TP73: variants seen among roughly 807,000 people sequenced by gnomAD.
The protein encoded by TP73 is tumor protein p73.
Under a neutral mutation model 62.5 loss-of-function variants are expected in TP73, and 25 were observed. The observed-to-expected ratio is 0.40, with a 90% CI of 0.29 to 0.56. The LOEUF is 0.56. TP73 is among the 20% of genes least tolerant of loss of function. TP73 has a pLI of 0.46. For synonymous variants in TP73, 423 were observed against 377.5 expected, an observed-to-expected ratio of 1.12 and a Z score of -1.40; for missense variants, 754 against 913.3, an observed-to-expected ratio of 0.83 and a Z score of 2.25.
chr1:3,719,819 C>G (rs1414789729), intron 4 of TP73, among the ~76,000 whole-genome samples: 1 of 152,152 alleles, frequency 6.6e-6, no homozygotes, highest in Non-Finnish European at 1.5e-5. Context: ...CTCCGACAGT[C>G]CAGGGCAGGC....
At chr1:3,706,030 G>A (rs1457820142) in intron 3 of TP73, among the ~76,000 whole-genome samples, 1 of 152,182 alleles carries the variant, frequency 6.6e-6, no homozygotes, top group Non-Finnish European at 1.5e-5. Flanking sequence ...TGGATTGGAG[G>A]GGGCAGGCTG....
In TP73 at chr1:3,730,559, C is replaced by A. The variant is rs548018600; in HGVS notation, c.1346-368C>A. ...GGGGCTCCATTGGATAGAGTTTGGG[C>A]CCCCTTCCCCTGGAAGGTCCTCATG... is the stretch of plus-strand genomic sequence containing the variant. On this transcript the variant is annotated intron_variant, in intron 11 of 13. Transcript: ENST00000378295. 1.4e-4 allele frequency among the ~76,000 whole-genome samples: 21 copies of A among 152,280 alleles called. No homozygotes were observed. The South Asian group carries it at 4.3e-3, about 32-fold the overall frequency.
Position 3,683,148 on chromosome 1 carries a change from T to C in TP73, c.154T>C (p.Phe52Leu). The change falls in exon 3 of 14, where the codon TTC (phenylalanine) becomes CTC (leucine). Residue 52 changes from phenylalanine to leucine, a missense_variant. By Grantham distance (22) the Phe-to-Leu change is conservative. Around this residue, in one of 3 missense-constraint regions of TP73, gnomAD observed 235 missense variants for 251.4 expected, o/e 0.93. Transcript: ENST00000378295. ...VGGTDSSMDV[F>L]HLEGMTTSVM... is the part of the protein sequence containing the mutation. ...CGGAACGGATTCCAGCATGGACGTC[T>C]TCCACCTGGAGGGCATGACTACATC... The C allele has an allele frequency of 6.2e-7, 1 of 1,612,302 alleles. No homozygotes were observed. The highest frequency in any genetic ancestry group is 2.2e-5 in the East Asian group (1 of 44,818).
intron 2 of TP73, 32 bp downstream of exon 2, chr1:3,682,462 C>T (rs1322338371): frequency 1.4e-6 from 2 of 1,450,690 alleles, no homozygotes; most frequent in African/African-American, 1.4e-5. Flanking sequence ...GAGCTGGGGG[C>T]CCCCCTGGGA....
At chr1:3,705,978 G>T (rs1639591763) in intron 3 of TP73, among the ~76,000 whole-genome samples, 1 of 152,216 alleles carries the variant, frequency 6.6e-6, no homozygotes, top group Non-Finnish European at 1.5e-5. Flanking sequence ...TCCCGGCGAG[G>T]CCCCTGCACC....
chr1:3,720,657 C>T (rs959021703), intron 4 of TP73, among the ~76,000 whole-genome samples: 1 of 152,252 alleles, frequency 6.6e-6, no homozygotes, highest in African/African-American at 2.4e-5. Flanking sequence ...GCTCCATCTC[C>T]CCTGTCTCTT....
chr1:3,669,352 C>T (rs1271682245), intron 1 of TP73, among the ~76,000 whole-genome samples: 1 of 152,224 alleles, frequency 6.6e-6, no homozygotes, highest in Admixed American at 6.5e-5. Flanking sequence ...CCACAGTTCT[C>T]CTGATGGGAC....
chr1:3,695,396 G>A (rs3765732), intron 3 of TP73, among the ~76,000 whole-genome samples: 115,689 of 152,164 alleles, frequency 0.76, 44,821 homozygotes, highest in Non-Finnish European at 0.84. Context: ...GCTCTCCTGC[G>A]CCCTCTCTAT....
intron 4 of TP73, among the ~76,000 whole-genome samples, chr1:3,717,677 G>A (rs948297302): frequency 1.9e-4 from 29 of 152,310 alleles, no homozygotes; most frequent in Admixed American, 1.5e-3. Flanking sequence ...CTGCTGGGGA[G>A]ACAGGAGGAA....
At chr1:3,731,196 C>T (rs1397861258) in intron 12 of TP73, 131 bp downstream of exon 12, 59 of 1,327,944 alleles carry the variant, frequency 4.4e-5, no homozygotes, top group South Asian at 2.8e-5. Context: ...GACAGGCGGG[C>T]GGGGGCAGTC....
At chr1:3,727,480 C>A in intron 7 of TP73, 148 bp from the exon 8 acceptor site, 1 of 1,207,664 alleles carries the variant, frequency 8.3e-7, no homozygotes, top group Non-Finnish European at 1.1e-6. Context: ...CTCCCTCTAG[C>A]GGGAACACTC....
At position 3,679,311 on chromosome 1, in the gene TP73, G is replaced by C. The variant is rs142273089; in HGVS notation, c.-33-3022G>C. Among the ~76,000 whole-genome samples, 13 of 152,356 alleles carry C rather than the reference G, an allele frequency of 8.5e-5. No homozygotes were observed. The East Asian group carries it at 2.5e-3, about 29-fold the overall frequency. On this transcript the variant is annotated intron_variant, in intron 1 of 13. Coordinates refer to ENST00000378295, the MANE Select transcript of TP73 (RefSeq NM_005427.4). ...TTGCCGACCAGTTCCTGTGAGCCCT[G>C]AGCCCTGCGCGGAGGGATGCCCCGT...
At chr1:3,669,073 C>A (rs1198909704) in intron 1 of TP73, among the ~76,000 whole-genome samples, 1 of 152,238 alleles carries the variant, frequency 6.6e-6, no homozygotes, top group African/African-American at 2.4e-5. Context: ...GTGACAGGGA[C>A]GCTGCTGCCA....
chr1:3,678,110 C>T (rs1166011806), intron 1 of TP73, among the ~76,000 whole-genome samples: 1 of 152,240 alleles, frequency 6.6e-6, no homozygotes, highest in Non-Finnish European at 1.5e-5. Context: ...TGAAATTGGT[C>T]TCCTTTCCCC....
At chr1:3,727,271 C>A (rs747883530) in intron 7 of TP73, 47 bp downstream of exon 7, 1 of 1,559,098 alleles carries the variant, frequency 6.4e-7, no homozygotes, top group South Asian at 1.1e-5. Context: ...GCTGGGCAGG[C>A]ACGGCCGGGG....
Position 3,701,498 on chromosome 1 carries a change from G to A in TP73, c.187-6051G>A, listed in dbSNP as rs1034838212. On this transcript the variant is annotated intron_variant, in intron 3 of 13. Coordinates refer to ENST00000378295, the MANE Select transcript of TP73 (RefSeq NM_005427.4). This position sits in a 1 kb window ranked among gnomAD's most constrained non-coding sequence, Gnocchi z 4.7. ...CCCACAACCATCCTACGAAGTCCAC[G>A]TTGATTTCTTTTTTGGTTTTTTTCG... 2.0e-5 allele frequency among the ~76,000 whole-genome samples: 3 copies of A among 152,024 alleles called. No homozygotes were observed. The highest frequency in any genetic ancestry group is 6.6e-5 in the Admixed American group (1 of 15,258).
Position 3,731,015 on chromosome 1 carries a change from G to A in TP73, c.1434G>A (p.Gly478=). Residue 478 remains glycine, a synonymous_variant, in exon 12 of 14, where the codon GGG becomes GGA. Coordinates refer to ENST00000378295, the MANE Select transcript of TP73 (RefSeq NM_005427.4). Reference sequence around the variant, plus strand: ...ACAGCGCCCAGTCCATGGTCTCGGGGTCCCACTGCACTCCGCCACCCCCCT... The same window carrying A: ...ACAGCGCCCAGTCCATGGTCTCGGGATCCCACTGCACTCCGCCACCCCCCT... ...SSHSAQSMVS[G]SHCTPPPPYH... The A allele has an allele frequency of 6.2e-7, 1 of 1,612,512 alleles. No individual in the cohort carries two copies. The highest frequency in any genetic ancestry group is 8.5e-7 in the Non-Finnish European group (1 of 1,179,838).
At chr1:3,720,205 C>T (rs527537395) in intron 4 of TP73, among the ~76,000 whole-genome samples, 84 of 152,328 alleles carry the variant, frequency 5.5e-4, no homozygotes, top group African/African-American at 1.9e-3. Flanking sequence ...CGTGAGCCAC[C>T]GCCCTCAGCC....
At position 3,683,406 on chromosome 1, in the gene TP73, G is replaced by A. The variant is rs1645570766; in HGVS notation, c.186+226G>A. ...TCAGGCATGGCTGGATCCAGGTGTA[G>A]GAAGGGCTTCAGGCATGGCTAGATC... On this transcript the variant is annotated intron_variant, in intron 3 of 13. Transcript: ENST00000378295. 2.0e-5 allele frequency among the ~76,000 whole-genome samples: 3 copies of A among 152,170 alleles called. No individual in the cohort carries two copies. In the South Asian group the frequency reaches 6.2e-4, roughly 31 times the overall value.
Sources: gnomAD v4.1 joint callset for allele counts (sites outside exome capture counted in the v4.1 genomes callset) on GRCh38, gnomAD v4.1.1 for gene constraint, gnomAD v4.1.1 regional missense constraint, Gnocchi (gnomAD v3.1) non-coding constraint, MANE v1.5 for transcripts, NCBI Gene and HGNC (gene_info 2026-07-23, HGNC 2026-07-21) for gene names.